ALS2CL: variants seen among roughly 807,000 people sequenced by gnomAD.
The protein encoded by ALS2CL is ALS2 C-terminal-like protein.
ALS2CL carries 112 observed loss-of-function variants against 127.9 expected under a neutral mutation model. The observed-to-expected ratio is 0.88, with a 90% CI of 0.75 to 1.02. ALS2CL has a LOEUF of 1.02. Among genes scored for constraint, ALS2CL ranks in the 50% least tolerant of loss-of-function variants. The pLI, the probability that ALS2CL is intolerant of heterozygous loss-of-function variation, is 0.00. For missense variants in ALS2CL, 1,174 were observed against 1,236.7 expected, an observed-to-expected ratio of 0.95 and a Z score of 0.76; for synonymous variants, 519 against 527.6, an observed-to-expected ratio of 0.98 and a Z score of 0.22.
chr3:46,683,713 A>G, intron 9 of ALS2CL, 69 bp downstream of exon 9: 1 of 1,570,290 alleles, frequency 6.4e-7, no homozygotes, highest in South Asian at 1.1e-5. Flanking sequence ...GCAGGGTTGC[A>G]TACTTCTGCC....
Position 46,676,746 on chromosome 3 carries a change from C to T in ALS2CL, c.1932-8G>A, listed in dbSNP as rs373917920. ...CTGTCCTCAGGGTGGGTCCTGGGCA[C>T]CACACACAGCATCCCTCACCCACAC... On this transcript the variant is annotated splice_polypyrimidine_tract_variant and splice_region_variant and intron_variant, in intron 17 of 25. Transcript: ENST00000318962. 6.2e-7 allele frequency: 1 copy of T among 1,613,514 alleles called. No homozygotes were observed. The highest frequency in any genetic ancestry group is 8.5e-7 in the Non-Finnish European group (1 of 1,179,870).
chr3:46,684,718 T>C (rs1403145389), intron 7 of ALS2CL, among the ~76,000 whole-genome samples: 1 of 152,018 alleles, frequency 6.6e-6, no homozygotes, highest in Non-Finnish European at 1.5e-5. Context: ...TGTGCAAAGG[T>C]CCAGCGTCAG....
At chr3:46,685,191 T>G (rs1699667105) in intron 7 of ALS2CL, among the ~76,000 whole-genome samples, 2 of 152,200 alleles carry the variant, frequency 1.3e-5, no homozygotes, top group Non-Finnish European at 2.9e-5. Flanking sequence ...CAATGGGAAC[T>G]AAGAGTTGTC....
chr3:46,675,004 G>A (rs985104146), intron 20 of ALS2CL: 4 of 388,650 alleles, frequency 1.0e-5, no homozygotes, highest in Non-Finnish European at 1.8e-5. Context: ...AGCAAAACCA[G>A]GGCCCCAGAT....
chr3:46,673,460 C>CA (rs1296449194), intron 21 of ALS2CL, 79 bp from the exon 22 acceptor site: 9 of 1,412,434 alleles, frequency 6.4e-6, no homozygotes, highest in Non-Finnish European at 7.8e-6. Context: ...ATTCCCTATG[C>CA]CACTGTTTCC....
Position 46,687,050 on chromosome 3 carries a change from T to C in ALS2CL, c.467A>G (p.Gln156Arg). The change falls in exon 5 of 26, where the codon CAG becomes CGG. Residue 156 changes from glutamine (Q) to arginine (R), a missense_variant. Gln to Arg is a conservative substitution (Grantham distance 43, BLOSUM62 1). Coordinates refer to ENST00000318962, the MANE Select transcript of ALS2CL (RefSeq NM_147129.5). ...VGASLGQALH[Q>R]PLAHHVQQYV... ...CTGTTGCACGTGATGGGCGAGTGGC[T>C]GGTGGAGGGCCTGGCCCAGCGATGC... 1 of 1,602,826 alleles carries C rather than the reference T, an allele frequency of 6.2e-7. No individual in the cohort carries two copies. Among genetic ancestry groups the C allele is most frequent in the Non-Finnish European group, 8.5e-7 (1 of 1,178,792 alleles).
chr3:46,686,860 C>T lies in ALS2CL; in HGVS notation c.534+123G>A. Reference sequence around the variant, plus strand: ...CTGTGACTTCCTCAACCCTCTCCCACCTGCCGGCATGGCTGAGTCCTTCTT... The same window carrying T: ...CTGTGACTTCCTCAACCCTCTCCCATCTGCCGGCATGGCTGAGTCCTTCTT... On this transcript the variant is annotated intron_variant, in intron 5 of 25. Coordinates refer to ENST00000318962, the MANE Select transcript of ALS2CL (RefSeq NM_147129.5). This position sits in a 1 kb window ranked among gnomAD's most constrained non-coding sequence, Gnocchi z 4.3. 1 of 1,221,566 alleles carries T rather than the reference C, an allele frequency of 8.2e-7. No individual in the cohort carries two copies. The highest frequency in any genetic ancestry group is 1.8e-5 in the South Asian group (1 of 55,766). The allele number at this position is 1,221,566 out of a possible 1,614,324, so 75.7% of individuals were successfully genotyped here. A position where few individuals can be genotyped will look rare whatever the true frequency, so the allele number is the denominator to read the frequency against.
At chr3:46,680,107 G>C (rs906355115) in intron 14 of ALS2CL, 10 of 305,154 alleles carry the variant, frequency 3.3e-5, no homozygotes, top group African/African-American at 1.5e-4. Flanking sequence ...CCCAGAGCCA[G>C]GTGTCAAGTT....
chr3:46,673,521 G>A lies in ALS2CL; in HGVS notation c.2430-140C>T, dbSNP rs558096439. Reference sequence around the variant, plus strand: ...GGGAAGGAGATCAGCCTAGGTCATGGGGAGGATGGAAGGATTCCTGGAGAA... The same window carrying A: ...GGGAAGGAGATCAGCCTAGGTCATGAGGAGGATGGAAGGATTCCTGGAGAA... On this transcript the variant is annotated intron_variant, in intron 21 of 25. Transcript: ENST00000318962. 6.3e-5 allele frequency: 56 copies of A among 882,028 alleles called. No individual in the cohort carries two copies. In the African/African-American group the frequency reaches 8.8e-4, roughly 14 times the overall value. The allele number at this position is 882,028 out of a possible 1,614,324, so 54.6% of individuals were successfully genotyped here. A position where few individuals can be genotyped will look rare whatever the true frequency, so the allele number is the denominator to read the frequency against.
chr3:46,677,273 G>A, intron 16 of ALS2CL: 1 of 1,338,510 alleles, frequency 7.5e-7, no homozygotes, highest in Non-Finnish European at 9.6e-7. Context: ...ATCCTGGAAA[G>A]ACGGAGACAG....
intron 9 of ALS2CL, 141 bp downstream of exon 9, chr3:46,683,641 A>C (rs1025652991): frequency 8.2e-6 from 9 of 1,095,022 alleles, no homozygotes; most frequent in African/African-American, 1.6e-5. Flanking sequence ...CTTGACCCCG[A>C]TTTACTCTGA....
chr3:46,678,450 T>C, intron 15 of ALS2CL, 61 bp from the exon 16 acceptor site: 1 of 1,565,050 alleles, frequency 6.4e-7, no homozygotes, highest in Admixed American at 1.7e-5. Flanking sequence ...CAGCCAATCA[T>C]GACAGGCCAC....
At chr3:46,678,829 G>T (rs1325968440) in intron 15 of ALS2CL, among the ~76,000 whole-genome samples, 1 of 152,202 alleles carries the variant, frequency 6.6e-6, no homozygotes. Context: ...ATTTCCAAAG[G>T]CTCCAGCGGG....
At chr3:46,673,309 C>T in intron 22 of ALS2CL, 30 bp downstream of exon 22, 1 of 1,554,216 alleles carries the variant, frequency 6.4e-7, no homozygotes, top group Non-Finnish European at 8.7e-7. Context: ...TCTGGGGGCC[C>T]CTGGCTTGGG....
chr3:46,688,033 A>C, intron 3 of ALS2CL, 65 bp downstream of exon 3: 2 of 1,571,028 alleles, frequency 1.3e-6, no homozygotes, highest in Non-Finnish European at 1.7e-6. Context: ...CCCCAGGTGA[A>C]CCTTAATGCC....
Position 46,672,058 on chromosome 3 carries a change from G to T in ALS2CL, c.2535-25C>A, listed in dbSNP as rs2106681897. 1.9e-6 allele frequency: 3 copies of T among 1,614,026 alleles called. No individual in the cohort carries two copies. The Admixed American group carries it at 5.0e-5, about 27-fold the overall frequency. On this transcript the variant is annotated intron_variant, in intron 23 of 25. Transcript: ENST00000318962. ...CCTGCAGCAGGGTAGCTGGCTCCAG[G>T]TCAAGGCCCTTGGTTCAGTCCCAAC...
intron 2 of ALS2CL, among the ~76,000 whole-genome samples, chr3:46,688,824 A>G (rs1699974766): frequency 6.6e-6 from 1 of 152,194 alleles, no homozygotes; most frequent in African/African-American, 2.4e-5. Flanking sequence ...AATTCAAGCA[A>G]AGGGCAGTTT....
At chr3:46,689,229 T>C (rs1240161239) in intron 2 of ALS2CL, 109 bp downstream of exon 2, 3 of 1,135,852 alleles carry the variant, frequency 2.6e-6, no homozygotes, top group African/African-American at 3.1e-5. Flanking sequence ...TCACCACTCC[T>C]ATTTGAGGTT....
rs1324797339 is a variant in ALS2CL, at chr3:46,669,572, C to T, written c.*1412G>A. The T allele has an allele frequency of 6.6e-6, 1 of 152,276 alleles. No individual in the cohort carries two copies. Among genetic ancestry groups the T allele is most frequent in the African/African-American group, 2.4e-5 (1 of 41,460 alleles). 9.4% of individuals were successfully genotyped at this position (152,276 alleles called of 1,614,324 possible). ...GAATCCTAGTGAGCTGCCCCAGTCC[C>T]GGTAAGCATGAGTGCCTGCATATCC... On this transcript the variant is annotated 3_prime_UTR_variant, in exon 26 of 26. Coordinates refer to ENST00000318962, the MANE Select transcript of ALS2CL (RefSeq NM_147129.5).
Sources: allele counts gnomAD v4.1 joint callset (sites outside exome capture counted in the v4.1 genomes callset), GRCh38; gene constraint gnomAD v4.1.1; non-coding constraint Gnocchi (gnomAD v3.1); transcripts MANE v1.5; gene names NCBI Gene and HGNC (gene_info 2026-07-23, HGNC 2026-07-21).